CCBE1: variants seen among roughly 807,000 people sequenced by gnomAD.
CCBE1 encodes collagen and calcium-binding EGF domain-containing protein 1.
A neutral mutation model predicts 50.0 loss-of-function variants in CCBE1; 37 were observed. That is an observed-to-expected ratio of 0.74 (90% CI 0.57 to 0.97). The LOEUF is 0.97. Ranked by LOEUF, CCBE1 falls within the 50% of genes least tolerant of loss-of-function variation. CCBE1 has a pLI of 0.00. For synonymous variants in CCBE1, 234 were observed against 203.7 expected (o/e 1.15, Z -1.27); for missense variants, 538 against 523.8 (o/e 1.03, Z -0.26).
chr18:59,635,389 AAAGGGAAAACTGAAAT>A (rs11270759), intron 2 of CCBE1, among the ~76,000 whole-genome samples: 22 of 103,026 alleles, frequency 2.1e-4, no homozygotes, highest in Non-Finnish European at 3.6e-4. Flanking sequence ...TAATTATCTC[AAAGGGAAAACTGAAAT>A]AAGGGAAAAC....
At chr18:59,486,369 C>A (rs1912824070) in intron 2 of CCBE1, among the ~76,000 whole-genome samples, 1 of 151,900 alleles carries the variant, frequency 6.6e-6, no homozygotes, top group Non-Finnish European at 1.5e-5. Context: ...CTTCTAAAAA[C>A]AAAATAGGGG....
chr18:59,685,542 T>C (rs1652069), intron 2 of CCBE1, among the ~76,000 whole-genome samples: 136,022 of 152,244 alleles, frequency 0.89, 60,872 homozygotes, highest in Admixed American at 0.94. Context: ...CCTTATGCTT[T>C]CTCCTCAAGT....
intron 2 of CCBE1, among the ~76,000 whole-genome samples, chr18:59,516,973 T>C (rs1372089069): frequency 3.3e-5 from 5 of 152,244 alleles, no homozygotes; most frequent in Non-Finnish European, 5.9e-5. Context: ...AACCAAATAC[T>C]GATTAAGCTC....
At chr18:59,466,470 C>T (rs907946123) in intron 5 of CCBE1, among the ~76,000 whole-genome samples, 2 of 151,880 alleles carry the variant, frequency 1.3e-5, no homozygotes, top group East Asian at 1.9e-4. Flanking sequence ...ATAAATTACC[C>T]AGTCTTGGGT....
intron 2 of CCBE1, among the ~76,000 whole-genome samples, chr18:59,606,535 C>A (rs749917943): frequency 6.6e-6 from 1 of 152,124 alleles, no homozygotes; most frequent in Admixed American, 6.6e-5. Flanking sequence ...GATAACATCC[C>A]GTCCGTATGT....
chr18:59,542,210 C>A (rs185834951), intron 2 of CCBE1, among the ~76,000 whole-genome samples: 7 of 151,020 alleles, frequency 4.6e-5, no homozygotes, highest in Admixed American at 4.0e-4. Flanking sequence ...TTAGAGCTAA[C>A]CTTAAAAGAA....
intron 2 of CCBE1, among the ~76,000 whole-genome samples, chr18:59,590,261 C>T (rs1347947462): frequency 2.6e-5 from 4 of 152,006 alleles, no homozygotes; most frequent in Non-Finnish European, 5.9e-5. Flanking sequence ...AATATCTCCA[C>T]AGCAAAAAAT....
intron 2 of CCBE1, among the ~76,000 whole-genome samples, chr18:59,633,221 G>C (rs985311424): frequency 1.3e-5 from 2 of 152,196 alleles, no homozygotes; most frequent in African/African-American, 4.8e-5. Context: ...ATTACACAAG[G>C]ATGATATTTT....
chr18:59,680,554 C>T (rs1336364428), intron 2 of CCBE1, among the ~76,000 whole-genome samples: 4 of 151,614 alleles, frequency 2.6e-5, no homozygotes, highest in Admixed American at 1.3e-4. Context: ...AAAAATTAGC[C>T]GGGCGTGGTG....
chr18:59,450,266 T>G (rs1448273712), intron 6 of CCBE1, among the ~76,000 whole-genome samples: 1 of 152,216 alleles, frequency 6.6e-6, no homozygotes, highest in Non-Finnish European at 1.5e-5. Flanking sequence ...AATAATATTT[T>G]TACTTGCTAA....
intron 2 of CCBE1, among the ~76,000 whole-genome samples, chr18:59,550,862 G>A (rs978891415): frequency 8.6e-5 from 13 of 151,530 alleles, no homozygotes; most frequent in East Asian, 3.9e-4. Flanking sequence ...AAAATTAACC[G>A]GGCGTGGTGG....
chr18:59,628,436 G>A (rs1179796170), intron 2 of CCBE1, among the ~76,000 whole-genome samples: 5 of 151,500 alleles, frequency 3.3e-5, no homozygotes, highest in African/African-American at 7.3e-5. Context: ...GAGACATGAG[G>A]TGATGGAAAA....
At chr18:59,623,544 G>C (rs763549751) in intron 2 of CCBE1, among the ~76,000 whole-genome samples, 3 of 152,074 alleles carry the variant, frequency 2.0e-5, no homozygotes, top group Non-Finnish European at 1.5e-5. Context: ...TGCCTTCCTG[G>C]GTTCTCTGAA....
intron 2 of CCBE1, among the ~76,000 whole-genome samples, chr18:59,613,826 T>C (rs1568234594): frequency 6.6e-6 from 1 of 151,366 alleles, no homozygotes; most frequent in Non-Finnish European, 1.5e-5. Context: ...TAATTATCTT[T>C]TTAAAATTGA....
intron 2 of CCBE1, among the ~76,000 whole-genome samples, chr18:59,514,252 C>G (rs1035206587): frequency 3.9e-5 from 6 of 152,292 alleles, no homozygotes; most frequent in African/African-American, 1.2e-4. Context: ...GGACCTGAAT[C>G]TTTTACCGTA....
intron 2 of CCBE1, among the ~76,000 whole-genome samples, chr18:59,689,425 A>G (rs1414579658): frequency 6.6e-6 from 1 of 152,252 alleles, no homozygotes; most frequent in Non-Finnish European, 1.5e-5. Context: ...CAACATATTC[A>G]TCCAAGCTTT....
intron 2 of CCBE1, among the ~76,000 whole-genome samples, chr18:59,559,932 A>T (rs1284600501): frequency 6.6e-6 from 1 of 152,158 alleles, no homozygotes; most frequent in Admixed American, 6.5e-5. Flanking sequence ...ACAGTCCACC[A>T]AGAGCCAGGA....
At chr18:59,541,603 G>A (rs1049193035) in intron 2 of CCBE1, among the ~76,000 whole-genome samples, 3 of 152,140 alleles carry the variant, frequency 2.0e-5, no homozygotes, top group African/African-American at 7.2e-5. Flanking sequence ...CGAGAAACAG[G>A]AGTCAGTCCT....
rs569082123 is a variant in CCBE1 at position 59,512,742 on chromosome 18, G to A, written c.213-32504C>T. Among the ~76,000 whole-genome samples, 4 of 152,358 alleles carry A rather than the reference G, an allele frequency of 2.6e-5. No individual in the cohort carries two copies. In the South Asian group the frequency reaches 6.2e-4, roughly 24 times the overall value. ...GATGACATGGAGCTGGCTGGCTGTT[G>A]ATGAGGAAAAGGGTATTATTGAGAT... On this transcript the variant is annotated intron_variant, in intron 2 of 10. Coordinates refer to ENST00000439986, the MANE Select transcript of CCBE1 (RefSeq NM_133459.4).
Sources: gnomAD v4.1 joint callset for allele counts (sites outside exome capture counted in the v4.1 genomes callset) on GRCh38, gnomAD v4.1.1 for gene constraint, MANE v1.5 for transcripts, NCBI Gene and HGNC (gene_info 2026-07-23, HGNC 2026-07-21) for gene names.